CACNA2D3: variants seen among roughly 807,000 people sequenced by gnomAD.
CACNA2D3 encodes the protein voltage-dependent calcium channel subunit alpha-2/delta-3.
A neutral mutation model predicts 160.6 loss-of-function variants in CACNA2D3; 60 were observed. The ratio of observed to expected loss-of-function variants is 0.37; its 90% CI spans 0.30 to 0.46. The LOEUF is 0.46. CACNA2D3 is among the 20% of genes least tolerant of loss of function. CACNA2D3 has a pLI of 1.00. For missense variants in CACNA2D3, 1,205 were observed against 1,365.0 expected (o/e 0.88, Z 1.85); for synonymous variants, 558 against 492.9 (o/e 1.13, Z -1.75).
chr3:54,149,926 T>G (rs898046713), intron 2 of CACNA2D3, among the ~76,000 whole-genome samples: 1 of 55,176 alleles, frequency 1.8e-5, no homozygotes, highest in African/African-American at 8.3e-5. Flanking sequence ...TCTCTCTCTC[T>G]CTCTCCCTCC....
chr3:54,891,952 G>C (rs1170489352), intron 25 of CACNA2D3, among the ~76,000 whole-genome samples: 2 of 152,186 alleles, frequency 1.3e-5, no homozygotes, highest in African/African-American at 4.8e-5. Flanking sequence ...TGGGCCCTCT[G>C]GGGATGCTGG....
At position 54,611,207 on chromosome 3, in the gene CACNA2D3, C is replaced by T. The variant is rs78526045; in HGVS notation, c.964-16580C>T. Reference sequence around the variant, plus strand: ...CCTAGCTGGATTGAAATACATGTCACACCTAACTGTACTCTGTGCATGTGG... The same window carrying T: ...CCTAGCTGGATTGAAATACATGTCATACCTAACTGTACTCTGTGCATGTGG... On this transcript the variant is annotated intron_variant, in intron 9 of 37. Coordinates refer to ENST00000474759, the MANE Select transcript of CACNA2D3 (RefSeq NM_018398.3). Among the ~76,000 whole-genome samples, 27 of 152,358 alleles carry T rather than the reference C, an allele frequency of 1.8e-4. No individual in the cohort carries two copies. In the East Asian group the frequency reaches 5.0e-3, roughly 28 times the overall value.
At chr3:55,003,994 G>C (rs1358848059) in intron 31 of CACNA2D3, among the ~76,000 whole-genome samples, 1 of 152,196 alleles carries the variant, frequency 6.6e-6, no homozygotes, top group Non-Finnish European at 1.5e-5. Flanking sequence ...TGGTTTCTGA[G>C]TCCGAACACA....
chr3:54,538,634 G>T (rs956445887), intron 5 of CACNA2D3, among the ~76,000 whole-genome samples: 1 of 152,138 alleles, frequency 6.6e-6, no homozygotes, highest in Non-Finnish European at 1.5e-5. Context: ...GGGAAGGCCG[G>T]CTTTCTCCTA....
At chr3:54,533,861 A>G (rs1047810054) in intron 5 of CACNA2D3, among the ~76,000 whole-genome samples, 3 of 151,992 alleles carry the variant, frequency 2.0e-5, no homozygotes, top group African/African-American at 7.3e-5. Context: ...AGCAAGTGGG[A>G]TAAAGTGTTC....
intron 2 of CACNA2D3, among the ~76,000 whole-genome samples, chr3:54,185,005 A>T (rs1394348689): frequency 6.6e-6 from 1 of 152,220 alleles, no homozygotes; most frequent in Non-Finnish European, 1.5e-5. Context: ...TCTGAGCCAA[A>T]GGTCCTGTGC....
chr3:54,498,007 T>C (rs1701228636), intron 4 of CACNA2D3, among the ~76,000 whole-genome samples: 1 of 151,768 alleles, frequency 6.6e-6, no homozygotes, highest in Admixed American at 6.6e-5. Flanking sequence ...TTGTTAAGAT[T>C]TTTGTATCTA....
chr3:54,615,302 A>G (rs1698826698), intron 9 of CACNA2D3, among the ~76,000 whole-genome samples: 1 of 152,240 alleles, frequency 6.6e-6, no homozygotes, highest in South Asian at 2.1e-4. Context: ...TAGCAAATAA[A>G]TAAGTAAATA....
chr3:55,068,310 A>G (rs904493233), intron 35 of CACNA2D3, among the ~76,000 whole-genome samples: 1 of 152,230 alleles, frequency 6.6e-6, no homozygotes, highest in Non-Finnish European at 1.5e-5. Context: ...TCATCAACCT[A>G]GAGACAACAA....
rs879717622 is a variant in CACNA2D3, at chr3:54,582,001, A to G, written c.963+124A>G. The G allele has an allele frequency of 7.4e-6, 5 of 671,550 alleles. No individual in the cohort carries two copies. The African/African-American group carries it at 9.1e-5, about 12-fold the overall frequency. The allele number at this position is 671,550 out of a possible 1,614,324, so 41.6% of individuals were successfully genotyped here. ...TTTCATTGAGGCCCTTGGAGCCCCC[A>G]TGTGTAGAATATTTATTAAGAGCAC... On this transcript the variant is annotated intron_variant, in intron 9 of 37. Coordinates refer to ENST00000474759, the MANE Select transcript of CACNA2D3 (RefSeq NM_018398.3).
chr3:54,476,954 T>A (rs937938869), intron 4 of CACNA2D3, among the ~76,000 whole-genome samples: 1 of 152,296 alleles, frequency 6.6e-6, no homozygotes, highest in East Asian at 1.9e-4. Context: ...CCATATCTGG[T>A]TGTAAAGAAA....
At chr3:54,136,872 G>A (rs1018077059) in intron 2 of CACNA2D3, among the ~76,000 whole-genome samples, 1 of 152,216 alleles carries the variant, frequency 6.6e-6, no homozygotes, top group Non-Finnish European at 1.5e-5. Flanking sequence ...GACATCTCAG[G>A]TGACTCTCAT....
At chr3:54,821,244 C>T (rs1468860568) in intron 14 of CACNA2D3, among the ~76,000 whole-genome samples, 2 of 152,116 alleles carry the variant, frequency 1.3e-5, no homozygotes, top group African/African-American at 4.8e-5. Context: ...TAAAGCAAAC[C>T]ACATCTCTAA....
At chr3:55,069,118 C>T (rs552803903) in intron 35 of CACNA2D3, among the ~76,000 whole-genome samples, 17 of 152,272 alleles carry the variant, frequency 1.1e-4, no homozygotes, top group African/African-American at 3.8e-4. Flanking sequence ...ATTTGTTACT[C>T]ATCTGTGTTT....
chr3:54,322,008 A>G (rs1704013651), intron 3 of CACNA2D3, among the ~76,000 whole-genome samples: 1 of 151,974 alleles, frequency 6.6e-6, no homozygotes, highest in Non-Finnish European at 1.5e-5. Context: ...TTTGTGAATC[A>G]CAGAATTTTA....
chr3:54,372,558 T>A (rs1277186352), intron 3 of CACNA2D3, among the ~76,000 whole-genome samples: 2 of 152,224 alleles, frequency 1.3e-5, no homozygotes, highest in Non-Finnish European at 2.9e-5. Context: ...CTGTGTAAAA[T>A]GGGTTTAGTC....
intron 4 of CACNA2D3, among the ~76,000 whole-genome samples, chr3:54,420,243 C>G (rs891893747): frequency 6.6e-6 from 1 of 152,128 alleles, no homozygotes; most frequent in Non-Finnish European, 1.5e-5. Flanking sequence ...CGCCACTATG[C>G]CCAGCTAATT....
At chr3:54,553,167 A>G (rs1702187310) in intron 5 of CACNA2D3, among the ~76,000 whole-genome samples, 2 of 152,242 alleles carry the variant, frequency 1.3e-5, no homozygotes, top group African/African-American at 4.8e-5. Flanking sequence ...GTTTAGAGGA[A>G]GGGTAAATGT....
chr3:54,882,403 A>G (rs747102592), intron 21 of CACNA2D3, among the ~76,000 whole-genome samples: 5 of 152,072 alleles, frequency 3.3e-5, no homozygotes, highest in African/African-American at 4.8e-5. Flanking sequence ...ACACATACAT[A>G]CATACATGCA....
Sources: allele counts gnomAD v4.1 joint callset (sites outside exome capture counted in the v4.1 genomes callset), GRCh38; gene constraint gnomAD v4.1.1; transcripts MANE v1.5; gene names NCBI Gene and HGNC (gene_info 2026-07-23, HGNC 2026-07-21).